ANXA2: variants seen among roughly 807,000 people sequenced by gnomAD.
ANXA2 encodes the protein annexin II.
ANXA2 carries 28 observed loss-of-function variants against 47.3 expected under a neutral mutation model. That is an observed-to-expected ratio of 0.59 (90% CI 0.44 to 0.81). The LOEUF (loss-of-function observed/expected upper bound fraction) is 0.81. Ranked by LOEUF, ANXA2 falls within the 40% of genes least tolerant of loss-of-function variation. The pLI is 0.00. For missense variants in ANXA2, 384 were observed against 414.3 expected (o/e 0.93, Z 0.64); for synonymous variants, 172 against 155.5 (o/e 1.11, Z -0.79).
At chr15:60,351,420 A>C in intron 10 of ANXA2, 169 bp from the exon 11 acceptor site, 1 of 698,204 alleles carries the variant, frequency 1.4e-6, no homozygotes. Context: ...CTGCAATACT[A>C]AGTTCCACCA....
chr15:60,370,167 G>GTATCTAA (rs1281612462), intron 3 of ANXA2, among the ~76,000 whole-genome samples: 3 of 152,228 alleles, frequency 2.0e-5, no homozygotes, highest in African/African-American at 7.2e-5. Context: ...CTGAGATGCA[G>GTATCTAA]TATCTAACAT....
At chr15:60,349,284 A>G in intron 11 of ANXA2, 87 bp from the exon 12 acceptor site, 1 of 1,481,772 alleles carries the variant, frequency 6.7e-7, no homozygotes, top group East Asian at 2.3e-5. Flanking sequence ...CTGATCTGAA[A>G]ATCTGAAATC....
chr15:60,360,397 T>C (rs1439965121), intron 5 of ANXA2, among the ~76,000 whole-genome samples: 10 of 152,208 alleles, frequency 6.6e-5, no homozygotes, highest in Non-Finnish European at 4.4e-5. Flanking sequence ...ACATAAAAGA[T>C]AACGTGCATT....
chr15:60,356,347 A>ACG (rs1472683542), intron 6 of ANXA2, among the ~76,000 whole-genome samples: 1 of 152,164 alleles, frequency 6.6e-6, no homozygotes, highest in African/African-American at 2.4e-5. Flanking sequence ...AGGTCTACAC[A>ACG]CGCACACACA....
intron 1 of ANXA2, among the ~76,000 whole-genome samples, chr15:60,388,961 C>T (rs1308323131): frequency 1.3e-5 from 2 of 151,586 alleles, no homozygotes; most frequent in Non-Finnish European, 1.5e-5. Context: ...TGACAGTCTT[C>T]TTGACAGAGC....
rs148295077 is a variant in ANXA2, at chr15:60,352,992, G to C, written c.589-516C>G. ...CTACAAGTAGCCCTAACAATGGCAGGGAGGGCAAGAGGAAGAAAGGCTTAT... is the reference window on the plus strand; with the variant it reads ...CTACAAGTAGCCCTAACAATGGCAGCGAGGGCAAGAGGAAGAAAGGCTTAT... On this transcript the variant is annotated intron_variant, in intron 8 of 12. Transcript: ENST00000451270. This position sits in a 1 kb window ranked among gnomAD's most constrained non-coding sequence, Gnocchi z 4.2. Among the ~76,000 whole-genome samples, 46 of 152,246 alleles carry C rather than the reference G, an allele frequency of 3.0e-4. No individual in the cohort carries two copies. Among genetic ancestry groups the C allele is most frequent in the African/African-American group, 1.0e-3 (43 of 41,550 alleles).
intron 11 of ANXA2, among the ~76,000 whole-genome samples, chr15:60,350,648 G>T (rs1275891242): frequency 6.6e-6 from 1 of 152,108 alleles, no homozygotes; most frequent in African/African-American, 2.4e-5. Flanking sequence ...GGGAAGAGGT[G>T]GTTCGTTTAG....
chr15:60,354,558 T>G (rs2062396543), intron 7 of ANXA2, among the ~76,000 whole-genome samples: 1 of 143,312 alleles, frequency 7.0e-6, no homozygotes, highest in Non-Finnish European at 1.5e-5. Flanking sequence ...TGAACCAGGT[T>G]GCTGTGATCT....
intron 1 of ANXA2, chr15:60,393,414 A>G (rs1174003619): frequency 2.0e-6 from 2 of 1,009,520 alleles, no homozygotes; most frequent in Non-Finnish European, 2.4e-6. Context: ...TGGCCCACAT[A>G]TTGTATTTTC....
intron 3 of ANXA2, among the ~76,000 whole-genome samples, chr15:60,372,753 G>A (rs1034195175): frequency 2.0e-5 from 3 of 149,032 alleles, no homozygotes; most frequent in South Asian, 4.2e-4. Flanking sequence ...GAGTACAGTG[G>A]TACAACCATG....
At chr15:60,349,227 C>T (rs767379147) in intron 11 of ANXA2, 30 bp from the exon 12 acceptor site, 27 of 1,612,138 alleles carry the variant, frequency 1.7e-5, no homozygotes, top group Middle Eastern at 1.7e-4. Flanking sequence ...TTGTTACATT[C>T]GCTGAGAATG....
chr15:60,372,381 G>A (rs1332843820), intron 3 of ANXA2, among the ~76,000 whole-genome samples: 2 of 152,148 alleles, frequency 1.3e-5, no homozygotes, highest in African/African-American at 4.8e-5. Flanking sequence ...CGGGACTAAA[G>A]ACCCTGGCTC....
intron 3 of ANXA2, among the ~76,000 whole-genome samples, chr15:60,379,849 C>T (rs2062830875): frequency 6.6e-6 from 1 of 152,218 alleles, no homozygotes; most frequent in Non-Finnish European, 1.5e-5. Context: ...TATTTTTCTA[C>T]TAACTCCAAA....
At chr15:60,395,848 A>G (rs2063074024) in intron 1 of ANXA2, 1 of 152,210 alleles carries the variant, frequency 6.6e-6, no homozygotes, top group African/African-American at 2.4e-5. Context: ...GTAAAAATGC[A>G]CATACATGTC....
intron 3 of ANXA2, among the ~76,000 whole-genome samples, chr15:60,378,246 T>C (rs1382475015): frequency 6.6e-6 from 1 of 152,224 alleles, no homozygotes; most frequent in South Asian, 2.1e-4. Context: ...TGCACAACTC[T>C]GCAAATACAC....
At chr15:60,356,420 TAAAC>T (rs1019903933) in intron 6 of ANXA2, among the ~76,000 whole-genome samples, 2 of 152,068 alleles carry the variant, frequency 1.3e-5, no homozygotes, top group African/African-American at 4.8e-5. Flanking sequence ...TACTAAGAAT[TAAAC>T]AATGCTTTTG....
In ANXA2 at chr15:60,351,329, C is replaced by G. The variant is rs527387566; in HGVS notation, c.779-78G>C. 9.5e-6 allele frequency: 14 copies of G among 1,473,090 alleles called. No individual in the cohort carries two copies. The African/African-American group carries it at 1.9e-4, about 20-fold the overall frequency. 91.3% of individuals were successfully genotyped at this position (1,473,090 alleles called of 1,614,324 possible). On this transcript the variant is annotated intron_variant, in intron 10 of 12. Transcript: ENST00000451270. The stretch of plus-strand genomic sequence containing the variant: ...ACCAATGAGAGAGGATGCCCTGGCC[C>G]TGGGCCACAAACCAGAAGTGACCTA...
intron 5 of ANXA2, among the ~76,000 whole-genome samples, chr15:60,358,587 G>T (rs1238307615): frequency 1.3e-5 from 2 of 152,134 alleles, no homozygotes; most frequent in East Asian, 1.9e-4. Flanking sequence ...GGTTAATTTT[G>T]AATTTTATTC....
rs141360257 is a variant in ANXA2, at chr15:60,350,253, C to T, written c.837+940G>A. Among the ~76,000 whole-genome samples, 1,262 of 152,070 alleles carry T rather than the reference C, an allele frequency of 8.3e-3. 15 individuals are homozygous for T. The highest frequency in any genetic ancestry group is 0.03 in the African/African-American group (1,228 of 41,426). The stretch of plus-strand genomic sequence containing the variant: ...GAGCATCTGGGAATTCCAAACACAC[C>T]AGGCTGTAGTCAGCACAGACTCCCA... On this transcript the variant is annotated intron_variant, in intron 11 of 12. Coordinates refer to ENST00000451270, the MANE Select transcript of ANXA2 (RefSeq NM_004039.3).
Sources: allele counts gnomAD v4.1 joint callset (sites outside exome capture counted in the v4.1 genomes callset), GRCh38; gene constraint gnomAD v4.1.1; non-coding constraint Gnocchi (gnomAD v3.1); transcripts MANE v1.5; gene names NCBI Gene and HGNC (gene_info 2026-07-23, HGNC 2026-07-21).